Variants in CSGALNACT1 observed in about 807,000 individuals in gnomAD.
CSGALNACT1 encodes the protein chondroitin sulfate N-acetylgalactosaminyltransferase 1.
CSGALNACT1 carries 52 observed loss-of-function variants against 51.0 expected under a neutral mutation model. The ratio of observed to expected loss-of-function variants is 1.02; its 90% CI spans 0.82 to 1.29. The LOEUF is 1.29. Ranked by LOEUF, CSGALNACT1 falls within the 50% of genes most tolerant of loss-of-function variation. CSGALNACT1 has a pLI of 0.00. For missense variants in CSGALNACT1, 935 were observed against 679.2 expected (o/e 1.38, Z -4.19); for synonymous variants, 341 against 254.4 (o/e 1.34, Z -3.24).
intron 2 of CSGALNACT1, among the ~76,000 whole-genome samples, chr8:19,596,531 A>G (rs536030593): frequency 1.9e-4 from 29 of 152,250 alleles, no homozygotes; most frequent in Non-Finnish European, 4.0e-4. Flanking sequence ...GAAGAAAAAC[A>G]AGTGAGAAAG....
In CSGALNACT1 at chr8:19,499,809, G is replaced by A. The variant is rs563642804; in HGVS notation, c.634+5392C>T. Among the ~76,000 whole-genome samples the A allele has an allele frequency of 7.2e-5, 11 of 152,312 alleles. No homozygotes were observed. The South Asian group carries it at 1.9e-3, about 26-fold the overall frequency. On this transcript the variant is annotated intron_variant, in intron 4 of 9. Coordinates refer to ENST00000454498, the Ensembl canonical transcript of CSGALNACT1. ...GGGCCCCTTAAACATGATTAAGAAT[G>A]TCAATTCTGAGACACATGAACATTA...
chr8:19,405,837 G>A lies in CSGALNACT1; in HGVS notation c.1542C>T (p.His514=), dbSNP rs748633654. 2.8e-5 allele frequency: 45 copies of A among 1,613,784 alleles called. No individual in the cohort carries two copies. Among genetic ancestry groups the A allele is most frequent in the Non-Finnish European group, 3.6e-5 (42 of 1,180,016 alleles). ...GTTTGCGAAGGTGAGCCTCTATCTC[G>A]TGCCTGAACACCAGCATGCCCAGCT... The change falls in exon 10 of 10, where the codon CAC becomes CAT. Residue 514 remains histidine, a synonymous_variant. Coordinates refer to ENST00000454498, the Ensembl canonical transcript of CSGALNACT1.
At chr8:19,583,732 A>G (rs1484042086) in intron 3 of CSGALNACT1, among the ~76,000 whole-genome samples, 1 of 152,160 alleles carries the variant, frequency 6.6e-6, no homozygotes, top group Non-Finnish European at 1.5e-5. Flanking sequence ...TATACTCTTC[A>G]TTCTTCTTCT....
chr8:19,420,559 T>A lies in CSGALNACT1; in HGVS notation c.954-41A>T, dbSNP rs371021844. ...AGGTACTGTCACTCACATTCCCACA[T>A]GTTGGCAGCATCCCCTGAGAAAATA... On this transcript the variant is annotated intron_variant, in intron 6 of 9. Coordinates refer to ENST00000454498, the Ensembl canonical transcript of CSGALNACT1. 16 of 1,598,088 alleles carry A rather than the reference T, an allele frequency of 1.0e-5. No homozygotes were observed. In the Admixed American group the frequency reaches 1.3e-4, roughly 13 times the overall value.
chr8:19,447,638 C>G (rs562324768), intron 5 of CSGALNACT1, among the ~76,000 whole-genome samples: 5 of 152,186 alleles, frequency 3.3e-5, no homozygotes, highest in Non-Finnish European at 7.3e-5. Context: ...AAACAGATCT[C>G]CAGACCTTGC....
chr8:19,703,688 A>T (rs2062001069), intron 1 of CSGALNACT1, among the ~76,000 whole-genome samples: 2 of 152,202 alleles, frequency 1.3e-5, no homozygotes, highest in African/African-American at 4.8e-5. Flanking sequence ...CTTCCACAGT[A>T]AAACAAAGTT....
intron 1 of CSGALNACT1, among the ~76,000 whole-genome samples, chr8:19,662,852 C>A (rs1254486449): frequency 6.6e-6 from 1 of 152,160 alleles, no homozygotes; most frequent in Non-Finnish European, 1.5e-5. Flanking sequence ...ATTCTCCCCC[C>A]ATTCAGGAGG....
chr8:19,664,073 T>C (rs1434866660), intron 1 of CSGALNACT1, among the ~76,000 whole-genome samples: 1 of 152,222 alleles, frequency 6.6e-6, no homozygotes, highest in Non-Finnish European at 1.5e-5. Context: ...CCCTGCCAGG[T>C]GCCCACACAA....
chr8:19,751,274 G>A lies in CSGALNACT1; in HGVS notation c.-297+6576C>T, dbSNP rs985550488. Among the ~76,000 whole-genome samples, 14 of 152,198 alleles carry A rather than the reference G, an allele frequency of 9.2e-5. No individual in the cohort carries two copies. The East Asian group carries it at 1.4e-3, about 15-fold the overall frequency. ...TTCCTAAATCTTAGCGTTCTCATCC[G>A]TAAAACGCAGATGATAAGAGTGCAC... On this transcript the variant is annotated intron_variant, in intron 1 of 1. Coordinates refer to the CSGALNACT1 transcript ENST00000517494.
intron 2 of CSGALNACT1, among the ~76,000 whole-genome samples, chr8:19,598,187 G>C (rs2049390318): frequency 1.3e-5 from 2 of 152,078 alleles, no homozygotes; most frequent in Admixed American, 1.3e-4. Flanking sequence ...AAACAGAATG[G>C]GAAAGACAGC....
chr8:19,635,674 G>A (rs1050616401), intron 1 of CSGALNACT1, among the ~76,000 whole-genome samples: 2 of 152,172 alleles, frequency 1.3e-5, no homozygotes, highest in African/African-American at 4.8e-5. Flanking sequence ...GAGGGACACA[G>A]TTGTGAGGCA....
chr8:19,552,761 G>C (rs1040392404), intron 3 of CSGALNACT1, among the ~76,000 whole-genome samples: 1 of 152,140 alleles, frequency 6.6e-6, no homozygotes, highest in Non-Finnish European at 1.5e-5. Flanking sequence ...TGTGTAAAAA[G>C]TGTCATGAAA....
At chr8:19,515,978 A>G (rs1224945000) in intron 3 of CSGALNACT1, among the ~76,000 whole-genome samples, 10 of 152,146 alleles carry the variant, frequency 6.6e-5, no homozygotes, top group Admixed American at 5.9e-4. Flanking sequence ...GCTGTAAGAC[A>G]TCTCAAGCAC....
chr8:19,410,889 A>G (rs2055547970), intron 8 of CSGALNACT1, among the ~76,000 whole-genome samples: 1 of 152,146 alleles, frequency 6.6e-6, no homozygotes, highest in Admixed American at 6.5e-5. Context: ...TCCACCACCC[A>G]CAGCTGTGCT....
chr8:19,531,698 T>C (rs1487598273), intron 3 of CSGALNACT1: 5 of 152,196 alleles, frequency 3.3e-5, no homozygotes, highest in Non-Finnish European at 5.9e-5. Flanking sequence ...AATTTTTTTA[T>C]CAACTGTGAC....
At chr8:19,652,896 C>T (rs952820286) in intron 1 of CSGALNACT1, among the ~76,000 whole-genome samples, 1 of 152,128 alleles carries the variant, frequency 6.6e-6, no homozygotes, top group Non-Finnish European at 1.5e-5. Flanking sequence ...CTTCTATTGA[C>T]TAGGATCTCT....
intron 6 of CSGALNACT1, among the ~76,000 whole-genome samples, chr8:19,424,266 C>T (rs762361084): frequency 2.0e-5 from 3 of 152,166 alleles, no homozygotes; most frequent in Admixed American, 6.5e-5. Flanking sequence ...AGTGCTAACT[C>T]TGTCATCCAT....
chr8:19,746,789 T>C (rs1032777495), intron 1 of CSGALNACT1, among the ~76,000 whole-genome samples: 3 of 152,244 alleles, frequency 2.0e-5, no homozygotes, highest in African/African-American at 4.8e-5. Flanking sequence ...CAAAGATTTC[T>C]AGCTCATGTA....
intron 7 of CSGALNACT1, among the ~76,000 whole-genome samples, chr8:19,419,767 G>A (rs774185435): frequency 3.3e-5 from 5 of 152,168 alleles, no homozygotes; most frequent in Admixed American, 6.5e-5. Context: ...CTTGGGAAAA[G>A]AGTCCCAGAA....
Sources: allele counts gnomAD v4.1 joint callset (sites outside exome capture counted in the v4.1 genomes callset), GRCh38; gene constraint gnomAD v4.1.1; transcripts MANE v1.5; gene names NCBI Gene and HGNC (gene_info 2026-07-23, HGNC 2026-07-21).